Variants in ACSL1 observed in about 807,000 individuals in gnomAD.
ACSL1 encodes the protein long-chain-fatty-acid--CoA ligase 1.
In ACSL1, 41 loss-of-function variants were observed where a neutral mutation model predicts 98.4. That is an observed-to-expected ratio of 0.42 (90% CI 0.32 to 0.54). The LOEUF (loss-of-function observed/expected upper bound fraction) is 0.54, where lower values mean the gene tolerates loss of function less well. Among genes scored for constraint, ACSL1 ranks in the 20% least tolerant of loss-of-function variants. The pLI is 0.13. For synonymous variants in ACSL1, 316 were observed against 322.7 expected, an observed-to-expected ratio of 0.98 and a Z score of 0.22; for missense variants, 734 against 883.1, an observed-to-expected ratio of 0.83 and a Z score of 2.14.
chr4:184,784,007 A>G lies in ACSL1; in HGVS notation c.311-16T>C, dbSNP rs962104718. On this transcript the variant is annotated splice_polypyrimidine_tract_variant and intron_variant, in intron 3 of 20. Coordinates refer to ENST00000281455, the MANE Select transcript of ACSL1 (RefSeq NM_001995.5). ...GGGCCATTATCTAAAAAAAGAGAAA[A>G]AACAACAGATGGGCTGAACGTACAT... The G allele has an allele frequency of 1.9e-6, 3 of 1,605,294 alleles. No homozygotes were observed. Among genetic ancestry groups the G allele is most frequent in the Middle Eastern group, 1.7e-4 (1 of 6,052 alleles).
intron 3 of ACSL1, among the ~76,000 whole-genome samples, chr4:184,785,748 G>A (rs375073855): frequency 2.6e-4 from 40 of 152,214 alleles, no homozygotes; most frequent in African/African-American, 9.2e-4. Context: ...GGGGGAGCAA[G>A]CGACCAAAGA....
rs1300877497 is a variant in ACSL1 at position 184,768,313 on chromosome 4, T to C, written c.1128+3A>G. ...TCCTGGGACTTCGCTGCTTGGAACTTACTCGGTCAAACATCCGGTTCAGCA... is the reference window on the plus strand; with the variant it reads ...TCCTGGGACTTCGCTGCTTGGAACTCACTCGGTCAAACATCCGGTTCAGCA... On this transcript the variant is annotated splice_donor_region_variant and intron_variant, in intron 12 of 20. Transcript: ENST00000281455. The C allele has an allele frequency of 3.7e-6, 6 of 1,611,398 alleles. No homozygotes were observed. In the South Asian group the frequency reaches 5.5e-5, roughly 15 times the overall value.
At chr4:184,800,937 C>T (rs995722697) in intron 2 of ACSL1, among the ~76,000 whole-genome samples, 1 of 152,218 alleles carries the variant, frequency 6.6e-6, no homozygotes, top group Non-Finnish European at 1.5e-5. Flanking sequence ...ACTGCAGTGT[C>T]CAACTCCTGG....
chr4:184,769,279 G>T (rs1229595500), intron 11 of ACSL1, among the ~76,000 whole-genome samples: 1 of 152,134 alleles, frequency 6.6e-6, no homozygotes, highest in Non-Finnish European at 1.5e-5. Context: ...TTGCCATTCA[G>T]CTAGAATACA....
At chr4:184,760,235 G>T in intron 18 of ACSL1, 122 bp downstream of exon 18, 1 of 1,110,104 alleles carries the variant, frequency 9.0e-7, no homozygotes, top group Non-Finnish European at 1.3e-6. Flanking sequence ...TGATATTCTA[G>T]CAGATTAGAC....
intron 3 of ACSL1, among the ~76,000 whole-genome samples, chr4:184,785,577 T>G (rs1445710785): frequency 9.2e-6 from 1 of 108,180 alleles, no homozygotes; most frequent in Non-Finnish European, 1.7e-5. Flanking sequence ...AATCAAAGCT[T>G]AGAATAAAAA....
chr4:184,766,505 A>G lies in ACSL1; in HGVS notation c.1263+117T>C. 2.2e-6 allele frequency: 3 copies of G among 1,392,750 alleles called. No homozygotes were observed. The highest frequency in any genetic ancestry group is 2.9e-6 in the Non-Finnish European group (3 of 1,029,086). The allele number at this position is 1,392,750 out of a possible 1,614,324, so 86.3% of individuals were successfully genotyped here. A position where few individuals can be genotyped will look rare whatever the true frequency, so the allele number is the denominator to read the frequency against. On this transcript the variant is annotated intron_variant, in intron 13 of 20. Transcript: ENST00000281455. The surrounding 1 kb of genome is among the most constrained non-coding windows in gnomAD (Gnocchi z 4.8). Reference sequence around the variant, plus strand: ...TTTTAAATGTGTGCCAGAATTAACAAAAACATGTTATTCTCTCCCTTACCT... The same window carrying G: ...TTTTAAATGTGTGCCAGAATTAACAGAAACATGTTATTCTCTCCCTTACCT...
In ACSL1 at chr4:184,805,314, T is replaced by C. The variant is rs539122042; in HGVS notation, c.-32-1768A>G. ...TTAATGGTCTCTGTTTTACAGGCCA[T>C]TAATACTACCAGAACCAACATAATG... is the stretch of plus-strand genomic sequence containing the variant. On this transcript the variant is annotated intron_variant, in intron 1 of 20. Coordinates refer to ENST00000281455, the MANE Select transcript of ACSL1 (RefSeq NM_001995.5). 4.1e-4 allele frequency: 81 copies of C among 199,700 alleles called. 2 individuals are homozygous for C. The South Asian group carries it at 9.5e-3, about 23-fold the overall frequency. 12.4% of individuals were successfully genotyped at this position (199,700 alleles called of 1,614,324 possible).
At chr4:184,819,192 G>GA (rs1456141507) in intron 1 of ACSL1, among the ~76,000 whole-genome samples, 1 of 150,278 alleles carries the variant, frequency 6.7e-6, no homozygotes, top group Non-Finnish European at 1.5e-5. Flanking sequence ...CCCCAGGCTG[G>GA]AGTGCAATGG....
chr4:184,783,630 T>C (rs1160521483), intron 4 of ACSL1, among the ~76,000 whole-genome samples: 1 of 152,234 alleles, frequency 6.6e-6, no homozygotes, highest in Non-Finnish European at 1.5e-5. Context: ...AATAATGCTA[T>C]GCCGCCAGGG....
Position 184,764,835 on chromosome 4 carries a change from A to G in ACSL1, c.1432+18T>C. 6.2e-7 allele frequency: 1 copy of G among 1,600,554 alleles called. No homozygotes were observed. The highest frequency in any genetic ancestry group is 8.5e-7 in the Non-Finnish European group (1 of 1,175,820). ...TATGAATAACAAAATTCCAAAAAGG[A>G]GCCTCCTACAGCCATACCTGCGGTC... On this transcript the variant is annotated intron_variant, in intron 15 of 20. Transcript: ENST00000281455.
At chr4:184,776,074 T>C (rs758069994) in intron 7 of ACSL1, among the ~76,000 whole-genome samples, 13 of 152,314 alleles carry the variant, frequency 8.5e-5, no homozygotes, top group East Asian at 3.9e-4. Context: ...CCACGAGCCA[T>C]CCAGGGAAAA....
chr4:184,763,387 G>C lies in ACSL1; in HGVS notation c.1433-132C>G, dbSNP rs561767010. The stretch of plus-strand genomic sequence containing the variant: ...TAAACTTCTGATTTCTGCAATTACA[G>C]CCATTCTCTTCCTAGTATAATTTAA... On this transcript the variant is annotated intron_variant, in intron 15 of 20. Coordinates refer to ENST00000281455, the MANE Select transcript of ACSL1 (RefSeq NM_001995.5). The C allele has an allele frequency of 1.0e-5, 8 of 775,726 alleles. No homozygotes were observed. The East Asian group carries it at 2.2e-4, about 21-fold the overall frequency. 48.1% of individuals were successfully genotyped at this position (775,726 alleles called of 1,614,324 possible).
At chr4:184,776,776 T>C in intron 6 of ACSL1, 108 bp downstream of exon 6, 1 of 1,485,290 alleles carries the variant, frequency 6.7e-7, no homozygotes, top group Non-Finnish European at 9.2e-7. Context: ...AAAAGGTAGA[T>C]ATATATTTAC....
At chr4:184,814,817 C>T (rs560600508) in intron 1 of ACSL1, among the ~76,000 whole-genome samples, 39 of 152,240 alleles carry the variant, frequency 2.6e-4, no homozygotes, top group East Asian at 3.9e-4. Context: ...TGCTTTGCCC[C>T]GTCTGCCCAC....
chr4:184,776,375 G>T, intron 7 of ACSL1, 109 bp downstream of exon 7: 1 of 1,257,938 alleles, frequency 7.9e-7, no homozygotes, highest in South Asian at 1.6e-5. Context: ...GGAGGCAACC[G>T]GCCAGCGCTG....
At position 184,768,339 on chromosome 4, in the gene ACSL1, G is replaced by C. The variant is rs771533303; in HGVS notation, c.1105C>G (p.Leu369Val). ...QPTVFPVVPRLLNRMFDRIFG... is the reference protein window; with the variant it reads ...QPTVFPVVPRVLNRMFDRIFG... ...ACTCGGTCAAACATCCGGTTCAGCA[G>C]TCTTGGAACCACGGGGAAGACAGTG... The change falls in exon 12 of 21, where the codon CTG becomes GTG. Residue 369 changes from leucine to valine, a missense_variant. By Grantham distance (32) the Leu-to-Val change is conservative (BLOSUM62 1). Coordinates refer to ENST00000281455, the MANE Select transcript of ACSL1 (RefSeq NM_001995.5). The C allele has an allele frequency of 2.0e-5, 33 of 1,613,232 alleles. No homozygotes were observed. The highest frequency in any genetic ancestry group is 2.4e-5 in the Non-Finnish European group (28 of 1,179,850).
intron 3 of ACSL1, 69 bp downstream of exon 3, chr4:184,788,548 T>C (rs895985325): frequency 1.6e-6 from 2 of 1,266,070 alleles, no homozygotes; most frequent in Non-Finnish European, 2.3e-6. Flanking sequence ...AATGTGCATT[T>C]CTGAAAGGCC....
At chr4:184,804,217 A>G (rs1003284311) in intron 1 of ACSL1, among the ~76,000 whole-genome samples, 2 of 152,344 alleles carry the variant, frequency 1.3e-5, no homozygotes, top group Admixed American at 1.3e-4. Flanking sequence ...TAAACTTTAA[A>G]CCAACCACCA....
Sources: gnomAD v4.1 joint callset for allele counts (sites outside exome capture counted in the v4.1 genomes callset) on GRCh38, gnomAD v4.1.1 for gene constraint, Gnocchi (gnomAD v3.1) non-coding constraint, MANE v1.5 for transcripts, NCBI Gene and HGNC (gene_info 2026-07-23, HGNC 2026-07-21) for gene names.